CNTNAP2: variants seen among roughly 807,000 people sequenced by gnomAD.
CNTNAP2 encodes the protein contactin-associated protein-like 2.
CNTNAP2 carries 98 observed loss-of-function variants against 155.2 expected under a neutral mutation model. That is an observed-to-expected ratio of 0.63 (90% CI 0.54 to 0.75). The LOEUF (loss-of-function observed/expected upper bound fraction) is 0.75. Ranked by LOEUF, CNTNAP2 falls within the 30% of genes least tolerant of loss-of-function variation. CNTNAP2 has a pLI of 0.00. For missense variants in CNTNAP2, 1,727 were observed against 1,688.1 expected (o/e 1.02, Z -0.40); for synonymous variants, 651 against 631.2 (o/e 1.03, Z -0.47).
At chr7:147,192,789 C>T (rs1040395307) in intron 8 of CNTNAP2, among the ~76,000 whole-genome samples, 6 of 152,066 alleles carry the variant, frequency 3.9e-5, no homozygotes, top group African/African-American at 9.7e-5. Context: ...ATTACATGTT[C>T]GGATTGATTT....
In CNTNAP2 at chr7:148,415,328, T is replaced by A. The variant is rs1799956248; in HGVS notation, c.3797-89T>A. The A allele has an allele frequency of 3.8e-6, 5 of 1,314,254 alleles. No individual in the cohort carries two copies. The South Asian group carries it at 4.8e-5, about 13-fold the overall frequency. 81.4% of individuals were successfully genotyped at this position (1,314,254 alleles called of 1,614,324 possible). ...TTGTGTTTTATATGGGAGAGGGCTG[T>A]GTCTGACGGAGCTGTAGTGAAGTGG... On this transcript the variant is annotated intron_variant, in intron 23 of 23. Transcript: ENST00000361727.
chr7:147,317,761 G>T (rs894950269), intron 9 of CNTNAP2, among the ~76,000 whole-genome samples: 18 of 146,750 alleles, frequency 1.2e-4, no homozygotes, highest in Middle Eastern at 3.2e-3. Flanking sequence ...TCAAAAAAAG[G>T]ATATATATAT....
In CNTNAP2 at chr7:147,618,905, G is replaced by C. The variant is rs117398896; in HGVS notation, c.1898-20201G>C. Among the ~76,000 whole-genome samples the C allele has an allele frequency of 2.6e-3, 391 of 152,270 alleles. 2 individuals carry two copies. The highest frequency in any genetic ancestry group is 0.014 in the Middle Eastern group (4 of 294). On this transcript the variant is annotated intron_variant, in intron 12 of 23. Coordinates refer to ENST00000361727, the MANE Select transcript of CNTNAP2 (RefSeq NM_014141.6). ...CAGATATGTTGAGAATATGGGGTCA[G>C]TAGTGGAGGCAGCAGAGGGATTTTT...
At position 148,415,697 on chromosome 7, in the gene CNTNAP2, C is replaced by A; in HGVS notation, c.*81C>A. ...AGGGACAAAAGCACCCTGCTTCATACTCTTGAGCACATCCTTAAAATATCA... is the reference window on the plus strand; with the variant it reads ...AGGGACAAAAGCACCCTGCTTCATAATCTTGAGCACATCCTTAAAATATCA... On this transcript the variant is annotated 3_prime_UTR_variant, in exon 24 of 24. Coordinates refer to ENST00000361727, the MANE Select transcript of CNTNAP2 (RefSeq NM_014141.6). 6.8e-7 allele frequency: 1 copy of A among 1,480,714 alleles called. No individual in the cohort carries two copies. The highest frequency in any genetic ancestry group is 9.4e-7 in the Non-Finnish European group (1 of 1,066,940). 91.7% of individuals were successfully genotyped at this position (1,480,714 alleles called of 1,614,324 possible). A position where few individuals can be genotyped will look rare whatever the true frequency, so the allele number is the denominator to read the frequency against.
At chr7:147,979,256 C>T (rs1318179787) in intron 15 of CNTNAP2, among the ~76,000 whole-genome samples, 1 of 151,682 alleles carries the variant, frequency 6.6e-6, no homozygotes, top group East Asian at 2.0e-4. Context: ...ACTTATTGAA[C>T]AATAATACTT....
At chr7:147,028,702 T>C (rs1245298739) in intron 3 of CNTNAP2, among the ~76,000 whole-genome samples, 1 of 152,144 alleles carries the variant, frequency 6.6e-6, no homozygotes, top group Admixed American at 6.5e-5. Flanking sequence ...TGATTATGCA[T>C]AAAGCTACCA....
chr7:146,426,623 T>TAAA (rs34609020), intron 1 of CNTNAP2, among the ~76,000 whole-genome samples: 1 of 130,216 alleles, frequency 7.7e-6, no homozygotes, highest in African/African-American at 2.9e-5. Context: ...ATAACACCTT[T>TAAA]AAAAAAAAAA....
chr7:147,511,685 G>C (rs937482593), intron 11 of CNTNAP2, among the ~76,000 whole-genome samples: 3 of 152,050 alleles, frequency 2.0e-5, no homozygotes, highest in African/African-American at 7.2e-5. Flanking sequence ...CTTAACAGGA[G>C]TATTTAATGG....
At chr7:146,834,935 C>T (rs1233106375) in intron 2 of CNTNAP2, among the ~76,000 whole-genome samples, 2 of 152,152 alleles carry the variant, frequency 1.3e-5, no homozygotes, top group East Asian at 1.9e-4. Context: ...AATTGCATTG[C>T]TTGATAGACC....
At chr7:147,202,799 G>A (rs1802948584) in intron 8 of CNTNAP2, among the ~76,000 whole-genome samples, 1 of 151,822 alleles carries the variant, frequency 6.6e-6, no homozygotes, top group Non-Finnish European at 1.5e-5. Context: ...GCCTGTAGGG[G>A]GGTAGGGGGC....
intron 1 of CNTNAP2, among the ~76,000 whole-genome samples, chr7:146,398,219 T>C (rs117829848): frequency 5.3e-4 from 76 of 143,686 alleles, no homozygotes; most frequent in Non-Finnish European, 9.2e-4. Flanking sequence ...CATATCAGTG[T>C]ATTAGTTCGT....
chr7:146,189,878 T>C (rs902359617), intron 1 of CNTNAP2, among the ~76,000 whole-genome samples: 1 of 152,210 alleles, frequency 6.6e-6, no homozygotes, highest in Non-Finnish European at 1.5e-5. Context: ...GTTTATCATG[T>C]AGAACACTCT....
At chr7:147,431,827 T>C (rs1321966617) in intron 10 of CNTNAP2, among the ~76,000 whole-genome samples, 1 of 152,238 alleles carries the variant, frequency 6.6e-6, no homozygotes, top group Non-Finnish European at 1.5e-5. Flanking sequence ...TCTAGGCTTA[T>C]TCTCCTTTAC....
At chr7:147,599,980 T>C (rs1187890714) in intron 12 of CNTNAP2, among the ~76,000 whole-genome samples, 1 of 152,216 alleles carries the variant, frequency 6.6e-6, no homozygotes, top group Admixed American at 6.5e-5. Context: ...CTTTTAATAT[T>C]TGAAAACAAC....
chr7:146,326,224 G>T (rs1176231539), intron 1 of CNTNAP2, among the ~76,000 whole-genome samples: 1 of 152,056 alleles, frequency 6.6e-6, no homozygotes, highest in African/African-American at 2.4e-5. Flanking sequence ...TAATGCAGAG[G>T]AAAAAACATA....
At chr7:147,356,087 A>G (rs182149098) in intron 9 of CNTNAP2, among the ~76,000 whole-genome samples, 1 of 152,292 alleles carries the variant, frequency 6.6e-6, no homozygotes, top group East Asian at 1.9e-4. Context: ...CTTATCCACC[A>G]TGATCAAGTC....
intron 1 of CNTNAP2, among the ~76,000 whole-genome samples, chr7:146,738,180 C>A (rs150335077): frequency 6.6e-6 from 1 of 151,988 alleles, no homozygotes; most frequent in Non-Finnish European, 1.5e-5. Context: ...AATACTTACA[C>A]TTTCTCATTT....
chr7:147,570,051 G>A (rs1407757213), intron 12 of CNTNAP2, among the ~76,000 whole-genome samples: 1 of 152,234 alleles, frequency 6.6e-6, no homozygotes, highest in Non-Finnish European at 1.5e-5. Context: ...TGCCTGTCCA[G>A]GAGGAGCTCT....
rs142843962 is a variant in CNTNAP2, at chr7:147,173,420, G to T, written c.1348+40911G>T. Among the ~76,000 whole-genome samples the T allele has an allele frequency of 8.7e-4, 133 of 152,120 alleles. 2 individuals are homozygous for T. The East Asian group carries it at 0.024, about 27-fold the overall frequency. ...AGAAACAATTTGAAACTTATAATGA[G>T]ATCCAGAACTAGTACTGACTTTGAA... On this transcript the variant is annotated intron_variant, in intron 8 of 23. Coordinates refer to ENST00000361727, the MANE Select transcript of CNTNAP2 (RefSeq NM_014141.6).
Sources: allele counts gnomAD v4.1 joint callset (sites outside exome capture counted in the v4.1 genomes callset), GRCh38; gene constraint gnomAD v4.1.1; transcripts MANE v1.5; gene names NCBI Gene and HGNC (gene_info 2026-07-23, HGNC 2026-07-21).